Variants in EDN3 observed in about 807,000 individuals in gnomAD.
The protein encoded by EDN3 is endothelin-3.
EDN3 carries 9 observed loss-of-function variants against 21.4 expected under a neutral mutation model. The ratio of observed to expected loss-of-function variants is 0.42; its 90% confidence interval spans 0.25 to 0.73. The LOEUF is 0.73. EDN3 is among the 30% of genes least tolerant of loss of function. EDN3 has a pLI of 0.26. For synonymous variants in EDN3, 133 were observed against 126.2 expected, an observed-to-expected ratio of 1.05 and a Z score of -0.36; for missense variants, 327 against 309.4, an observed-to-expected ratio of 1.06 and a Z score of -0.43.
intron 2 of EDN3, among the ~76,000 whole-genome samples, chr20:59,307,806 AG>A (rs1230458052): frequency 6.6e-6 from 1 of 151,826 alleles, no homozygotes; most frequent in Admixed American, 6.6e-5. Context: ...CCTCCCGAGT[AG>A]CTGGAACCAC....
At chr20:59,307,475 T>G (rs2146834772) in intron 2 of EDN3, among the ~76,000 whole-genome samples, 1 of 152,358 alleles carries the variant, frequency 6.6e-6, no homozygotes. Flanking sequence ...AGTTTGGCCC[T>G]GAAGCCTGCC....
At position 59,300,703 on chromosome 20, in the gene EDN3, C is replaced by T; in HGVS notation, c.-110C>T. ...GACGCAGCGAGCGATCGGCCGGCCT[C>T]GAACCCCCACAGCTGGAGGGCGAGG... On this transcript the variant is annotated 5_prime_UTR_variant, in exon 1 of 5. The change creates a premature stop within an existing upstream ORF in the 5' untranslated region. Coordinates refer to ENST00000337938, the MANE Select transcript of EDN3 (RefSeq NM_207034.3). 9 of 1,180,916 alleles carry T rather than the reference C, an allele frequency of 7.6e-6. No individual in the cohort carries two copies. Among genetic ancestry groups the T allele is most frequent in the Non-Finnish European group, 8.4e-6 (7 of 833,564 alleles). 73.2% of individuals were successfully genotyped at this position (1,180,916 alleles called of 1,614,324 possible).
intron 2 of EDN3, among the ~76,000 whole-genome samples, chr20:59,317,388 C>A (rs1467918130): frequency 6.6e-6 from 1 of 152,202 alleles, no homozygotes; most frequent in African/African-American, 2.4e-5. Flanking sequence ...CTTGACCTCC[C>A]AGACCAGATA....
chr20:59,316,092 A>G (rs995210950), intron 2 of EDN3, among the ~76,000 whole-genome samples: 2 of 152,162 alleles, frequency 1.3e-5, no homozygotes, highest in Admixed American at 1.3e-4. Context: ...AGGGTGAGGC[A>G]CGAGAATCGC....
intron 2 of EDN3, among the ~76,000 whole-genome samples, chr20:59,306,777 T>C (rs1989458667): frequency 6.6e-6 from 1 of 152,218 alleles, no homozygotes; most frequent in Admixed American, 6.5e-5. Flanking sequence ...AATAGAACGG[T>C]TGGATCTGGA....
At chr20:59,307,536 C>T (rs778654463) in intron 2 of EDN3, among the ~76,000 whole-genome samples, 2 of 152,180 alleles carry the variant, frequency 1.3e-5, no homozygotes, top group Non-Finnish European at 2.9e-5. Flanking sequence ...TCTTAGGTGA[C>T]TAATATGCCA....
chr20:59,306,892 C>T (rs192585934), intron 2 of EDN3, among the ~76,000 whole-genome samples: 119 of 152,262 alleles, frequency 7.8e-4, no homozygotes, highest in African/African-American at 2.8e-3. Context: ...CACCTATAAA[C>T]CCAACACTTT....
At chr20:59,308,137 G>C (rs1296457121) in intron 2 of EDN3, among the ~76,000 whole-genome samples, 2 of 152,140 alleles carry the variant, frequency 1.3e-5, no homozygotes, top group Non-Finnish European at 2.9e-5. Context: ...GGTAAGAGGG[G>C]CTGGTTGAGT....
At chr20:59,318,072 A>G (rs753416558) in intron 2 of EDN3, among the ~76,000 whole-genome samples, 6 of 152,170 alleles carry the variant, frequency 3.9e-5, no homozygotes, top group Non-Finnish European at 7.3e-5. Flanking sequence ...ACCATGTTCC[A>G]GGTATTCAGG....
At chr20:59,307,629 A>T (rs1989515164) in intron 2 of EDN3, among the ~76,000 whole-genome samples, 1 of 152,124 alleles carries the variant, frequency 6.6e-6, no homozygotes, top group African/African-American at 2.4e-5. Context: ...GGGCTCTGGG[A>T]CCCAAGAATG....
chr20:59,308,694 A>G (rs986624128), intron 2 of EDN3, among the ~76,000 whole-genome samples: 1 of 152,156 alleles, frequency 6.6e-6, no homozygotes, highest in African/African-American at 2.4e-5. Context: ...TCTAGTAAAC[A>G]CTCAACGTCT....
Position 59,322,326 on chromosome 20 carries a change from C to T in EDN3, c.543-46C>T. ...TAATTTGACACCGAAAAACCAGCCA[C>T]AGGGAAAGGCAGGTTGATTGATTAA... On this transcript the variant is annotated intron_variant, in intron 3 of 4. Transcript: ENST00000337938. This position sits in a 1 kb window ranked among gnomAD's most constrained non-coding sequence, Gnocchi z 4.1. The T allele has an allele frequency of 5.0e-6, 8 of 1,609,900 alleles. No individual in the cohort carries two copies. The highest frequency in any genetic ancestry group is 6.8e-6 in the Non-Finnish European group (8 of 1,176,230).
chr20:59,301,388 C>A (rs778097342), intron 1 of EDN3, 22 bp from the exon 2 acceptor site: 2 of 1,603,964 alleles, frequency 1.2e-6, no homozygotes, highest in East Asian at 2.2e-5. Context: ...AGCTTAGGAG[C>A]CCCTCAATCT....
At position 59,300,720 on chromosome 20, in the gene EDN3, A is replaced by T; in HGVS notation, c.-93A>T. On this transcript the variant is annotated 5_prime_UTR_variant, in exon 1 of 5. Transcript: ENST00000337938. ...GCCGGCCTCGAACCCCCACAGCTGG[A>T]GGGCGAGGCCAGCTGTACCCGGCCC... The T allele has an allele frequency of 7.3e-7, 1 of 1,360,612 alleles. No individual in the cohort carries two copies. The highest frequency in any genetic ancestry group is 1.0e-6 in the Non-Finnish European group (1 of 982,408). 84.3% of individuals were successfully genotyped at this position (1,360,612 alleles called of 1,614,324 possible). A position where few individuals can be genotyped will look rare whatever the true frequency, so the allele number is the denominator to read the frequency against.
rs1989353502 is a variant in EDN3, at chr20:59,305,608, T to C, written c.365+3886T>C. Among the ~76,000 whole-genome samples the C allele has an allele frequency of 6.6e-6, 1 of 152,174 alleles. No individual in the cohort carries two copies. Among genetic ancestry groups the C allele is most frequent in the South Asian group, 2.1e-4 (1 of 4,826 alleles). ...TATGGGCAATGTCCCTCCAGAGATATATATATGGAGAGAGACAAAGAGCAA... is the reference window on the plus strand; with the variant it reads ...TATGGGCAATGTCCCTCCAGAGATACATATATGGAGAGAGACAAAGAGCAA... On this transcript the variant is annotated intron_variant, in intron 2 of 4. Transcript: ENST00000337938. The surrounding 1 kb of genome is among the most constrained non-coding windows in gnomAD (Gnocchi z 4.2).
At chr20:59,320,348 A>C (rs1990449355) in intron 2 of EDN3, among the ~76,000 whole-genome samples, 1 of 152,252 alleles carries the variant, frequency 6.6e-6, no homozygotes, top group African/African-American at 2.4e-5. Context: ...TGCTGTGCAC[A>C]TGGAAGAAAT....
chr20:59,325,257 A>G lies in EDN3; in HGVS notation c.*798A>G, dbSNP rs1014152765. ...CCAGCTCAAGGCTATTAGGTTGAAT[A>G]TTTGCTTTCATGAGTAAATGTGGAT... On this transcript the variant is annotated 3_prime_UTR_variant, in exon 5 of 5. Transcript: ENST00000337938. 5 of 152,518 alleles carry G rather than the reference A, an allele frequency of 3.3e-5. No individual in the cohort carries two copies. The highest frequency in any genetic ancestry group is 7.3e-5 in the Non-Finnish European group (5 of 68,040). The allele number at this position is 152,518 out of a possible 1,614,324, so 9.4% of individuals were successfully genotyped here. A position where few individuals can be genotyped will look rare whatever the true frequency, so the allele number is the denominator to read the frequency against.
At chr20:59,315,630 C>T (rs1404506939) in intron 2 of EDN3, among the ~76,000 whole-genome samples, 1 of 152,142 alleles carries the variant, frequency 6.6e-6, no homozygotes, top group Non-Finnish European at 1.5e-5. Flanking sequence ...TGTCATCTGA[C>T]CTATCTGCCT....
chr20:59,317,841 A>G (rs1470574691), intron 2 of EDN3, among the ~76,000 whole-genome samples: 1 of 152,212 alleles, frequency 6.6e-6, no homozygotes, highest in African/African-American at 2.4e-5. Context: ...TCAATCAATA[A>G]TCTGTTCGCC....
Sources: allele counts gnomAD v4.1 joint callset (sites outside exome capture counted in the v4.1 genomes callset), GRCh38; gene constraint gnomAD v4.1.1; non-coding constraint Gnocchi (gnomAD v3.1); transcripts MANE v1.5; gene names NCBI Gene and HGNC (gene_info 2026-07-23, HGNC 2026-07-21).